The following DPF3 variants were observed in gnomAD, a reference collection of about 807,000 sequenced individuals.
DPF3 encodes the protein zinc finger protein DPF3.
A neutral mutation model predicts 56.8 loss-of-function variants in DPF3; 18 were observed. That is an observed-to-expected ratio of 0.32 (90% CI 0.22 to 0.47). DPF3 has a LOEUF of 0.47. Among genes scored for constraint, DPF3 ranks in the 20% least tolerant of loss-of-function variants. The probability of loss-of-function intolerance (pLI) is 1.00; values close to 1 mark genes in which losing one functional copy is unlikely to be tolerated. For missense variants in DPF3, 403 were observed against 488.8 expected (o/e 0.82, Z 1.65); for synonymous variants, 188 against 180.2 (o/e 1.04, Z -0.35).
chr14:72,827,488 C>CTTTTTTT (rs1182260007), intron 1 of DPF3, among the ~76,000 whole-genome samples: 1 of 78,318 alleles, frequency 1.3e-5, no homozygotes. Context: ...TCCCTTTACT[C>CTTTTTTT]TTTTTTTTTT....
rs1353415497 is a variant in DPF3, at chr14:72,892,350, T to C, written c.32+1707A>G. 3.9e-6 allele frequency: 6 copies of C among 1,534,514 alleles called. No homozygotes were observed. The African/African-American group carries it at 8.2e-5, about 21-fold the overall frequency. ...TTATTCTGCCATAAAACATTTTCTT[T>C]CTTGGGTGAAACGCTGTGGCGTTCA... On this transcript the variant is annotated intron_variant, in intron 1 of 10. Coordinates refer to ENST00000556509, the MANE Select transcript of DPF3 (RefSeq NM_001280542.3).
intron 2 of DPF3, among the ~76,000 whole-genome samples, chr14:72,753,680 G>A (rs1302894226): frequency 6.6e-6 from 1 of 152,082 alleles, no homozygotes; most frequent in Non-Finnish European, 1.5e-5. Context: ...AGACAAGAAG[G>A]ACCTTTGCAG....
intron 5 of DPF3, among the ~76,000 whole-genome samples, chr14:72,717,583 AAATGGCATTCTAT>A (rs1273943566): frequency 6.6e-6 from 1 of 152,238 alleles, no homozygotes; most frequent in African/African-American, 2.4e-5. Context: ...TTGAGGGCAA[AAATGGCATTCTAT>A]ACTTTATTAT....
chr14:72,693,469 C>T (rs1887786376), intron 6 of DPF3, among the ~76,000 whole-genome samples: 1 of 152,200 alleles, frequency 6.6e-6, no homozygotes, highest in South Asian at 2.1e-4. Context: ...CCGTTTCTAG[C>T]TGTGAGACCC....
intron 1 of DPF3, among the ~76,000 whole-genome samples, chr14:72,893,783 C>T (rs1324802485): frequency 1.3e-5 from 2 of 152,216 alleles, no homozygotes; most frequent in East Asian, 3.8e-4. Context: ...GAGCGCCGGG[C>T]TTCTCCGCCT....
intron 1 of DPF3, among the ~76,000 whole-genome samples, chr14:72,820,724 G>A (rs990472951): frequency 6.6e-6 from 1 of 152,226 alleles, no homozygotes; most frequent in Non-Finnish European, 1.5e-5. Context: ...GCCAGGCACT[G>A]TGGTTCACAC....
chr14:72,629,727 G>T lies in DPF3; in HGVS notation c.881C>A (p.Thr294Asn). 1.3e-6 allele frequency: 2 copies of T among 1,536,056 alleles called. No individual in the cohort carries two copies. The highest frequency in any genetic ancestry group is 1.7e-6 in the Non-Finnish European group (2 of 1,146,858). Residue 294 changes from threonine (T) to asparagine (N), a missense_variant, in exon 9 of 11, where the codon ACC becomes AAC. This residue lies in a region of DPF3 where 63 missense variants were observed against 114.4 expected (regional missense o/e 0.55). Coordinates refer to ENST00000556509, the MANE Select transcript of DPF3 (RefSeq NM_001280542.3). Reference protein sequence around the residue: ...CADCGRSGHPTCLQFTLNMTE... With the variant: ...CADCGRSGHPNCLQFTLNMTE... ...CATGTTCAGGGTAAACTGCAGGCAG[G>T]TTGGGTGACCTGGAGGAAGCCAGAA...
Position 72,727,240 on chromosome 14 carries a change from C to A in DPF3, c.430-3512G>T, listed in dbSNP as rs184326660. Among the ~76,000 whole-genome samples, 566 of 152,320 alleles carry A rather than the reference C, an allele frequency of 3.7e-3. 1 individual carries two copies. Among genetic ancestry groups the A allele is most frequent in the Non-Finnish European group, 5.5e-3 (377 of 68,026 alleles). On this transcript the variant is annotated intron_variant, in intron 4 of 10. Transcript: ENST00000556509. ...CTGCCCAGAAAGCTCTTCCCCAGGA[C>A]CATCACTTTCCTGACTCTTCTCATC...
rs1433082281 is a variant in DPF3, at chr14:72,614,619, G to A, written c.*4678C>T. 6.6e-6 allele frequency among the ~76,000 whole-genome samples: 1 copy of A among 151,912 alleles called. No individual in the cohort carries two copies. Among genetic ancestry groups the A allele is most frequent in the Non-Finnish European group, 1.5e-5 (1 of 67,998 alleles). On this transcript the variant is annotated 3_prime_UTR_variant, in exon 11 of 11. Coordinates refer to ENST00000556509, the MANE Select transcript of DPF3 (RefSeq NM_001280542.3). ...GCCTTCTCTCCCCAGCTGGGTGAGG[G>A]GCTTACTTTGCCCTCAGAAGCATCC...
At chr14:72,872,043 T>C (rs1048711277) in intron 1 of DPF3, among the ~76,000 whole-genome samples, 2 of 152,324 alleles carry the variant, frequency 1.3e-5, no homozygotes, top group African/African-American at 2.4e-5. Flanking sequence ...CAGTTCTAGA[T>C]ACCTGTGCAC....
At chr14:72,663,108 G>C (rs1417578116) in intron 8 of DPF3, among the ~76,000 whole-genome samples, 1 of 142,772 alleles carries the variant, frequency 7.0e-6, no homozygotes, top group African/African-American at 2.6e-5. Context: ...CAGAGGCAGA[G>C]AGAACACAGC....
At chr14:72,695,752 T>C (rs1887874102) in intron 6 of DPF3, among the ~76,000 whole-genome samples, 1 of 152,152 alleles carries the variant, frequency 6.6e-6, no homozygotes, top group African/African-American at 2.4e-5. Flanking sequence ...GGGTACTATG[T>C]TCACTAATTG....
intron 4 of DPF3, among the ~76,000 whole-genome samples, chr14:72,727,472 A>G (rs1478347426): frequency 6.6e-6 from 1 of 151,924 alleles, no homozygotes; most frequent in African/African-American, 2.4e-5. Flanking sequence ...GCTACTCAGA[A>G]GGCTGAGGCA....
At chr14:72,724,732 A>G (rs1204599296) in intron 4 of DPF3, among the ~76,000 whole-genome samples, 1 of 148,678 alleles carries the variant, frequency 6.7e-6, no homozygotes, top group Non-Finnish European at 1.5e-5. Flanking sequence ...TTTCTGAGAC[A>G]GGGACTCACT....
intron 8 of DPF3, among the ~76,000 whole-genome samples, chr14:72,632,655 G>C (rs1358544929): frequency 6.9e-6 from 1 of 145,700 alleles, no homozygotes; most frequent in Non-Finnish European, 1.5e-5. Flanking sequence ...GGGAAGGAGG[G>C]AGGGAAGGAA....
chr14:72,679,752 C>A (rs1270248471), intron 7 of DPF3, among the ~76,000 whole-genome samples: 1 of 152,186 alleles, frequency 6.6e-6, no homozygotes, highest in Non-Finnish European at 1.5e-5. Flanking sequence ...TAGCCCCGTG[C>A]CACTTGGCTG....
intron 8 of DPF3, among the ~76,000 whole-genome samples, chr14:72,634,156 G>T (rs573352338): frequency 1.3e-5 from 2 of 152,134 alleles, no homozygotes; most frequent in Non-Finnish European, 2.9e-5. Flanking sequence ...TCACTCAAGC[G>T]CAAGAAGAAA....
In DPF3 at chr14:72,730,770, A is replaced by T. The variant is rs1889607595; in HGVS notation, c.429+1037T>A. Among the ~76,000 whole-genome samples the T allele has an allele frequency of 2.0e-5, 3 of 152,110 alleles. No homozygotes were observed. The South Asian group carries it at 6.2e-4, about 31-fold the overall frequency. On this transcript the variant is annotated intron_variant, in intron 4 of 10. Coordinates refer to ENST00000556509, the MANE Select transcript of DPF3 (RefSeq NM_001280542.3). ...ATTTAATTTTAATAATTTAATATTAACTACCAATGCTATTATTTCATAATA... is the reference window on the plus strand; with the variant it reads ...ATTTAATTTTAATAATTTAATATTATCTACCAATGCTATTATTTCATAATA...
At chr14:72,642,860 C>T (rs182772330) in intron 8 of DPF3, among the ~76,000 whole-genome samples, 1 of 152,216 alleles carries the variant, frequency 6.6e-6, no homozygotes, top group Non-Finnish European at 1.5e-5. Flanking sequence ...AGAGGAAGAA[C>T]CTGCAGCTAG....
Sources: allele counts gnomAD v4.1 joint callset (sites outside exome capture counted in the v4.1 genomes callset), GRCh38; gene constraint gnomAD v4.1.1; regional missense constraint gnomAD v4.1.1; transcripts MANE v1.5; gene names NCBI Gene and HGNC (gene_info 2026-07-23, HGNC 2026-07-21).